MRRF: variants seen among roughly 807,000 people sequenced by gnomAD.
MRRF encodes the protein mitochondrial ribosome recycling factor.
Under a neutral mutation model 25.1 loss-of-function variants are expected in MRRF, and 18 were observed. That is an observed-to-expected ratio of 0.72 (90% CI 0.50 to 1.06). MRRF has a LOEUF of 1.06. MRRF is among the 50% of genes least tolerant of loss of function. The pLI is 0.00. For missense variants in MRRF, 323 were observed against 319.3 expected (o/e 1.01, Z -0.09); for synonymous variants, 113 against 112.1 (o/e 1.01, Z -0.05).
chr9:122,308,401 T>C (rs1834995739), intron 5 of MRRF, among the ~76,000 whole-genome samples: 1 of 151,410 alleles, frequency 6.6e-6, no homozygotes, highest in Admixed American at 6.6e-5. Context: ...TTTTTTTTTT[T>C]TTTAAGATGG....
chr9:122,285,999 T>C (rs1017829881), intron 4 of MRRF: 5 of 1,303,438 alleles, frequency 3.8e-6, no homozygotes, highest in African/African-American at 3.0e-5. Flanking sequence ...TTAAGTGTAG[T>C]TGAAGAAGGT....
At chr9:122,267,320 G>A (rs1160612661) in intron 1 of MRRF, among the ~76,000 whole-genome samples, 1 of 150,670 alleles carries the variant, frequency 6.6e-6, no homozygotes, top group Non-Finnish European at 1.5e-5. Flanking sequence ...GGCATAGGTT[G>A]CAGTGAGCTG....
intron 5 of MRRF, among the ~76,000 whole-genome samples, chr9:122,297,655 C>T (rs919160535): frequency 1.3e-5 from 2 of 152,170 alleles, no homozygotes; most frequent in South Asian, 4.1e-4. Context: ...GGCCTACTTC[C>T]TGTTCTGCTG....
chr9:122,265,193 CG>C, intron 1 of MRRF, among the ~76,000 whole-genome samples: 1 of 152,290 alleles, frequency 6.6e-6, no homozygotes, highest in African/African-American at 2.4e-5. Context: ...GCACACTTGA[CG>C]GGAACGTTTG....
At chr9:122,322,492 C>A (rs779945547) in intron 6 of MRRF, 48 bp from the exon 7 acceptor site, 9 of 1,527,592 alleles carry the variant, frequency 5.9e-6, no homozygotes, top group Non-Finnish European at 8.2e-6. Context: ...ATCCCCCTAC[C>A]CTTTTCCAGC....
intron 1 of MRRF, among the ~76,000 whole-genome samples, chr9:122,267,872 A>C (rs999835776): frequency 6.6e-5 from 10 of 152,308 alleles, no homozygotes; most frequent in African/African-American, 2.4e-4. Context: ...CATTAATATC[A>C]CTATGATGAT....
intron 5 of MRRF, among the ~76,000 whole-genome samples, chr9:122,308,180 G>A (rs938963184): frequency 1.3e-5 from 2 of 152,094 alleles, no homozygotes; most frequent in Non-Finnish European, 2.9e-5. Context: ...TCTGACCCTA[G>A]CGGAAAAGGC....
chr9:122,296,371 G>A (rs112420570), intron 5 of MRRF, among the ~76,000 whole-genome samples: 33 of 152,156 alleles, frequency 2.2e-4, no homozygotes, highest in Admixed American at 7.8e-4. Flanking sequence ...TACATTTTAG[G>A]TACCATTTAT....
At chr9:122,268,003 G>T (rs772246326) in intron 1 of MRRF, among the ~76,000 whole-genome samples, 4 of 152,170 alleles carry the variant, frequency 2.6e-5, no homozygotes, top group Admixed American at 6.5e-5. Context: ...TCCCCACATT[G>T]CTTCTATGTA....
chr9:122,277,993 G>T (rs1205369340), intron 2 of MRRF, among the ~76,000 whole-genome samples: 1 of 151,870 alleles, frequency 6.6e-6, no homozygotes, highest in Admixed American at 6.5e-5. Context: ...AATGATTTAA[G>T]TTAGGGTATA....
rs144529557 is a variant in MRRF, at chr9:122,313,453, G to A, written c.711+67G>A. 2.7e-4 allele frequency: 421 copies of A among 1,531,848 alleles called. 2 individuals are homozygous for A. In the East Asian group the frequency reaches 8.6e-3, roughly 31 times the overall value. The allele number at this position is 1,531,848 out of a possible 1,614,324, so 94.9% of individuals were successfully genotyped here. On this transcript the variant is annotated intron_variant, in intron 6 of 6. Coordinates refer to ENST00000344641, the MANE Select transcript of MRRF (RefSeq NM_138777.5). Reference sequence around the variant, plus strand: ...TAAGGAATCATTTGTTCATGTTTGAGGTGAGGACAGTTAAAACAGAATACC... The same window carrying A: ...TAAGGAATCATTTGTTCATGTTTGAAGTGAGGACAGTTAAAACAGAATACC...
At chr9:122,290,861 A>G (rs938540238) in intron 4 of MRRF, among the ~76,000 whole-genome samples, 5 of 152,196 alleles carry the variant, frequency 3.3e-5, no homozygotes, top group African/African-American at 7.2e-5. Flanking sequence ...TTAGTGAGCA[A>G]ACTGTCAGAG....
chr9:122,267,310 G>A (rs1347427663), intron 1 of MRRF, among the ~76,000 whole-genome samples: 1 of 151,184 alleles, frequency 6.6e-6, no homozygotes, highest in African/African-American at 2.4e-5. Context: ...GAACCTGGAA[G>A]GCATAGGTTG....
At chr9:122,287,835 A>C (rs1255561767) in intron 4 of MRRF, among the ~76,000 whole-genome samples, 3 of 152,186 alleles carry the variant, frequency 2.0e-5, no homozygotes, top group Admixed American at 6.5e-5. Flanking sequence ...TGTCTTTTGA[A>C]TTCCTTTATC....
Position 122,322,761 on chromosome 9 carries a change from C to G in MRRF, c.*144C>G. On this transcript the variant is annotated 3_prime_UTR_variant, in exon 7 of 7. Coordinates refer to ENST00000344641, the MANE Select transcript of MRRF (RefSeq NM_138777.5). ...GCCTGTCCTTGTAAGGCCCAGCCTTCCAGGGGAACACTCAGACATGTTCAT... is the reference window on the plus strand; with the variant it reads ...GCCTGTCCTTGTAAGGCCCAGCCTTGCAGGGGAACACTCAGACATGTTCAT... The G allele has an allele frequency of 1.3e-6, 1 of 756,384 alleles. No homozygotes were observed. Among genetic ancestry groups the G allele is most frequent in the Non-Finnish European group, 2.4e-6 (1 of 425,262 alleles). The allele number at this position is 756,384 out of a possible 1,614,324, so 46.9% of individuals were successfully genotyped here.
At chr9:122,273,382 C>T (rs943417259) in intron 2 of MRRF, among the ~76,000 whole-genome samples, 1 of 144,682 alleles carries the variant, frequency 6.9e-6, no homozygotes, top group African/African-American at 2.6e-5. Context: ...GTCAAGGCTA[C>T]AGTGAGCCAT....
At chr9:122,284,981 T>C (rs540292999) in intron 3 of MRRF, among the ~76,000 whole-genome samples, 188 bp from the exon 4 acceptor site, 10 of 152,262 alleles carry the variant, frequency 6.6e-5, no homozygotes, top group African/African-American at 2.4e-4. Flanking sequence ...TGTAGAGATG[T>C]GGTCTTGCTG....
chr9:122,299,463 A>G (rs1260975434), intron 5 of MRRF, among the ~76,000 whole-genome samples: 2 of 151,952 alleles, frequency 1.3e-5, no homozygotes, highest in Non-Finnish European at 2.9e-5. Context: ...CTGGACATCT[A>G]ATTGGAGAGG....
chr9:122,279,274 C>T (rs1832958003), intron 2 of MRRF, among the ~76,000 whole-genome samples: 3 of 152,144 alleles, frequency 2.0e-5, no homozygotes, highest in Non-Finnish European at 4.4e-5. Flanking sequence ...TGTTGCTTAC[C>T]AGTTGTTTAC....
Sources: allele counts gnomAD v4.1 joint callset (sites outside exome capture counted in the v4.1 genomes callset), GRCh38; gene constraint gnomAD v4.1.1; transcripts MANE v1.5; gene names NCBI Gene and HGNC (gene_info 2026-07-23, HGNC 2026-07-21).